The following PROX1 variants were observed in gnomAD, a reference collection of about 807,000 sequenced individuals.
PROX1 encodes the protein prospero homeobox 1, also known as prospero homeobox protein 1.
A neutral mutation model predicts 58.8 loss-of-function variants in PROX1; 7 were observed. The ratio of observed to expected loss-of-function variants is 0.12; its 90% CI spans 0.07 to 0.22. The LOEUF is 0.22. Among genes scored for constraint, PROX1 ranks in the 10% least tolerant of loss-of-function variants. The pLI is 1.00. For synonymous variants in PROX1, 350 were observed against 358.3 expected (o/e 0.98, Z 0.26); for missense variants, 675 against 927.8 (o/e 0.73, Z 3.54).
At chr1:214,012,214 A>G (rs371869976) in intron 4 of PROX1, among the ~76,000 whole-genome samples, 1 of 152,168 alleles carries the variant, frequency 6.6e-6, no homozygotes, top group Non-Finnish European at 1.5e-5. Context: ...AGGAAATGGT[A>G]TGATAATTTA....
Position 214,011,682 on chromosome 1 carries a change from G to C in PROX1, c.1995G>C (p.Leu665=). 1 of 1,607,092 alleles carries C rather than the reference G, an allele frequency of 6.2e-7. No homozygotes were observed. Among genetic ancestry groups the C allele is most frequent in the Non-Finnish European group, 8.5e-7 (1 of 1,176,728 alleles). The change falls in exon 4 of 5, where the codon CTG becomes CTC. Residue 665 remains leucine, a synonymous_variant. Coordinates refer to ENST00000366958, the MANE Select transcript of PROX1 (RefSeq NM_001270616.2). The part of the protein sequence containing the change: ...ITRDCELYRA[L]NMHYNKANDF... ...GAGACTGTGAGCTGTACAGGGCTCT[G>C]AACATGCACTACAATAAAGCAAATG...
At chr1:213,990,452 T>A (rs1241170445) in intron 1 of PROX1, among the ~76,000 whole-genome samples, 1 of 144,546 alleles carries the variant, frequency 6.9e-6, no homozygotes, top group East Asian at 2.2e-4. Flanking sequence ...TGGGGGCAAG[T>A]TGGTATGTGT....
In PROX1 at chr1:214,038,025, T is replaced by A. The variant is rs1328456053; in HGVS notation, c.*2191T>A. The A allele has an allele frequency of 6.6e-6, 1 of 152,224 alleles. No individual in the cohort carries two copies. Among genetic ancestry groups the A allele is most frequent in the Non-Finnish European group, 1.5e-5 (1 of 68,042 alleles). 9.4% of individuals were successfully genotyped at this position (152,224 alleles called of 1,614,324 possible). A position where few individuals can be genotyped will look rare whatever the true frequency, so the allele number is the denominator to read the frequency against. ...TAGTGTATTCACCTATGTAGACAGA[T>A]TGCTAGATATCTTTTTGATCTGGGG... On this transcript the variant is annotated 3_prime_UTR_variant, in exon 5 of 5. Transcript: ENST00000366958.
intron 3 of PROX1, among the ~76,000 whole-genome samples, chr1:214,007,142 A>G (rs1663744667): frequency 6.6e-6 from 1 of 152,260 alleles, no homozygotes; most frequent in African/African-American, 2.4e-5. Flanking sequence ...AATACAAACC[A>G]ACAAGAAACT....
At chr1:214,024,845 T>C (rs1324475103) in intron 4 of PROX1, among the ~76,000 whole-genome samples, 1 of 152,210 alleles carries the variant, frequency 6.6e-6, no homozygotes, top group Non-Finnish European at 1.5e-5. Context: ...CATCCAAGAA[T>C]GGCACCAAGC....
At chr1:213,994,738 C>A (rs1663178784) in intron 1 of PROX1, among the ~76,000 whole-genome samples, 1 of 126,770 alleles carries the variant, frequency 7.9e-6, no homozygotes, top group Admixed American at 8.4e-5. Flanking sequence ...GTATTTCATT[C>A]TCAAGCATGC....
At chr1:213,994,271 AG>A (rs1663145305) in intron 1 of PROX1, among the ~76,000 whole-genome samples, 1 of 152,152 alleles carries the variant, frequency 6.6e-6, no homozygotes, top group Admixed American at 6.6e-5. Context: ...TACTGCAAAA[AG>A]TTTGTTTGAC....
chr1:214,022,491 G>A (rs1664314945), intron 4 of PROX1, among the ~76,000 whole-genome samples: 1 of 152,150 alleles, frequency 6.6e-6, no homozygotes, highest in South Asian at 2.1e-4. Context: ...CATCAGAATT[G>A]GAACATATAT....
rs1444437299 is a variant in PROX1 at position 214,040,423 on chromosome 1, C to T, written c.*4589C>T. 6.6e-6 allele frequency: 1 copy of T among 152,038 alleles called. No individual in the cohort carries two copies. The highest frequency in any genetic ancestry group is 1.5e-5 in the Non-Finnish European group (1 of 67,988). The allele number at this position is 152,038 out of a possible 1,614,324, so 9.4% of individuals were successfully genotyped here. A position where few individuals can be genotyped will look rare whatever the true frequency, so the allele number is the denominator to read the frequency against. ...ACAAGCTTACCTTCTTTTGTGAAAA[C>T]GTATTCATTCTGTATTTTTTTAAAT... On this transcript the variant is annotated 3_prime_UTR_variant, in exon 5 of 5. Transcript: ENST00000366958.
Position 213,996,588 on chromosome 1 carries a change from G to C in PROX1, c.53G>C (p.Arg18Thr). ...ALLSRQTKRR[R>T]VDIGVKRTVG... ...TTAAGCCGGCAAACCAAGAGGAGAA[G>C]AGTTGACATTGGAGTGAAAAGGACG... Residue 18 changes from arginine (R) to threonine (T), a missense_variant, in exon 2 of 5, where the codon AGA becomes ACA. Coordinates refer to ENST00000366958, the MANE Select transcript of PROX1 (RefSeq NM_001270616.2). 6.2e-7 allele frequency: 1 copy of C among 1,614,166 alleles called. No individual in the cohort carries two copies. The highest frequency in any genetic ancestry group is 8.5e-7 in the Non-Finnish European group (1 of 1,180,026).
intron 3 of PROX1, among the ~76,000 whole-genome samples, chr1:214,006,573 G>T (rs913755660): frequency 1.3e-5 from 2 of 152,148 alleles, no homozygotes; most frequent in Non-Finnish European, 2.9e-5. Context: ...GTGACACAGA[G>T]GCCAGGAAAA....
chr1:214,004,384 G>A (rs1027025891), intron 2 of PROX1, among the ~76,000 whole-genome samples: 1 of 152,142 alleles, frequency 6.6e-6, no homozygotes, highest in Non-Finnish European at 1.5e-5. Flanking sequence ...TGGGTAAGTG[G>A]CCATTTATTG....
chr1:214,016,151 TG>T (rs1664086958), intron 4 of PROX1, among the ~76,000 whole-genome samples: 1 of 152,162 alleles, frequency 6.6e-6, no homozygotes, highest in South Asian at 2.1e-4. Flanking sequence ...CCTTTGAATG[TG>T]TTTTCTTACT....
chr1:214,002,360 T>A (rs1452509203), intron 2 of PROX1, among the ~76,000 whole-genome samples: 1 of 152,008 alleles, frequency 6.6e-6, no homozygotes, highest in Non-Finnish European at 1.5e-5. Flanking sequence ...CCCGAGCAGA[T>A]GTCTTTCATT....
chr1:214,001,469 G>A (rs1239067248), intron 2 of PROX1, among the ~76,000 whole-genome samples: 2 of 152,098 alleles, frequency 1.3e-5, no homozygotes, highest in South Asian at 2.1e-4. Flanking sequence ...AAGAAAAATA[G>A]CCTAGTTTAG....
intron 4 of PROX1, among the ~76,000 whole-genome samples, chr1:214,024,696 A>G (rs189779038): frequency 7.0e-4 from 107 of 152,330 alleles, no homozygotes; most frequent in Non-Finnish European, 8.4e-4. Context: ...AAGCTTAATT[A>G]TGAAGGTAAA....
Position 214,007,922 on chromosome 1 carries a change from G to A in PROX1, c.1833+2650G>A, listed in dbSNP as rs1663772657. Among the ~76,000 whole-genome samples the A allele has an allele frequency of 3.3e-5, 5 of 152,284 alleles. No homozygotes were observed. In the South Asian group the frequency reaches 1.0e-3, roughly 32 times the overall value. On this transcript the variant is annotated intron_variant, in intron 3 of 4. Coordinates refer to ENST00000366958, the MANE Select transcript of PROX1 (RefSeq NM_001270616.2). ...ATCATTTATCTGGAACAAGATATAT[G>A]CATGTATCTATGGACCATGTAATGC...
chr1:214,007,997 G>T (rs530698174), intron 3 of PROX1, among the ~76,000 whole-genome samples: 2 of 152,038 alleles, frequency 1.3e-5, no homozygotes, highest in Non-Finnish European at 2.9e-5. Context: ...ATTCATCTAG[G>T]AGAAAATTCC....
In PROX1 at chr1:214,041,494, C is replaced by T. The variant is rs1665002198; in HGVS notation, c.*5660C>T. 1 of 148,024 alleles carries T rather than the reference C, an allele frequency of 6.8e-6. No individual in the cohort carries two copies. The highest frequency in any genetic ancestry group is 1.5e-5 in the Non-Finnish European group (1 of 67,286). The allele number at this position is 148,024 out of a possible 1,614,324, so 9.2% of individuals were successfully genotyped here. ...CTTTCAGGCTTAACTTTATTTAGCC[C>T]TGAAACTTAAAAAAAAAAAAAAAAG... On this transcript the variant is annotated 3_prime_UTR_variant, in exon 5 of 5. Transcript: ENST00000366958.
Sources: allele counts gnomAD v4.1 joint callset (sites outside exome capture counted in the v4.1 genomes callset), GRCh38; gene constraint gnomAD v4.1.1; transcripts MANE v1.5; gene names NCBI Gene and HGNC (gene_info 2026-07-23, HGNC 2026-07-21).